Variants in ZNF708 observed in about 807,000 individuals in gnomAD.
ZNF708 encodes zinc finger protein 708, also known as ZNF15, ZNF15L1.
In ZNF708, 44 loss-of-function variants were observed where a neutral mutation model predicts 47.0. The observed-to-expected ratio is 0.94, with a 90% CI of 0.74 to 1.20. The LOEUF (loss-of-function observed/expected upper bound fraction) is 1.20, where lower values mean the gene tolerates loss of function less well. Among genes scored for constraint, ZNF708 ranks in the 50% most tolerant of loss-of-function variants. The pLI is 0.00. For synonymous variants in ZNF708, 184 were observed against 218.5 expected, an observed-to-expected ratio of 0.84 and a Z score of 1.39; for missense variants, 557 against 656.0, an observed-to-expected ratio of 0.85 and a Z score of 1.65.
At chr19:21,321,598 G>C (rs1973137755) in intron 1 of ZNF708, among the ~76,000 whole-genome samples, 1 of 145,392 alleles carries the variant, frequency 6.9e-6, no homozygotes, top group Non-Finnish European at 1.5e-5. Context: ...GGGAAGAGAA[G>C]GGAAGGGAAG....
intron 1 of ZNF708, among the ~76,000 whole-genome samples, chr19:21,323,550 C>T (rs1441843064): frequency 1.3e-5 from 2 of 152,148 alleles, no homozygotes; most frequent in Non-Finnish European, 2.9e-5. Context: ...CTTTGCAATT[C>T]TTAAAGACCT....
intron 1 of ZNF708, among the ~76,000 whole-genome samples, chr19:21,320,578 A>G (rs1973107182): frequency 6.6e-6 from 1 of 151,946 alleles, no homozygotes; most frequent in Non-Finnish European, 1.5e-5. Flanking sequence ...CTGCAGTCCC[A>G]GCTAATTGGG....
chr19:21,309,212 A>T (rs1972847043), intron 3 of ZNF708, 34 bp downstream of exon 3: 1 of 1,537,926 alleles, frequency 6.5e-7, no homozygotes, highest in Non-Finnish European at 8.8e-7. Flanking sequence ...TGGACCTCAC[A>T]TCTGTGTCAT....
chr19:21,321,039 G>A (rs550738519), intron 1 of ZNF708, among the ~76,000 whole-genome samples: 1 of 152,146 alleles, frequency 6.6e-6, no homozygotes, highest in Non-Finnish European at 1.5e-5. Flanking sequence ...TACTGTGGAG[G>A]CTGAGGCAGG....
rs748180893 is a variant in ZNF708 at position 21,293,932 on chromosome 19, A to C, written c.1034T>G (p.Phe345Cys). ...TTTAGTAAGGGTTGAAAATACACTA[A>C]AAGCTTTGCCACATTCTTCACATTT... Reference protein sequence around the residue: ...PYKCEECGKAFSVFSTLTKHK... With the variant: ...PYKCEECGKACSVFSTLTKHK... The change falls in exon 4 of 4, where the codon TTT (phenylalanine) becomes TGT (cysteine). Residue 345 changes from phenylalanine to cysteine, a missense_variant. Phe to Cys is a radical substitution (Grantham distance 205). Coordinates refer to ENST00000356929, the MANE Select transcript of ZNF708 (RefSeq NM_021269.3). 3.7e-6 allele frequency: 6 copies of C among 1,613,246 alleles called. No homozygotes were observed. The East Asian group carries it at 8.9e-5, about 24-fold the overall frequency.
rs761452425 is a variant in ZNF708, at chr19:21,310,663, T to A, written c.4-36A>T. ...CATACACACACACATATTTACCAAG[T>A]GGTTATGGACAGAATTTTTAATTTG... On this transcript the variant is annotated intron_variant, in intron 1 of 3. Coordinates refer to ENST00000356929, the MANE Select transcript of ZNF708 (RefSeq NM_021269.3). The A allele has an allele frequency of 1.3e-5, 18 of 1,420,654 alleles. No homozygotes were observed. The South Asian group carries it at 2.9e-4, about 23-fold the overall frequency. 88.0% of individuals were successfully genotyped at this position (1,420,654 alleles called of 1,614,324 possible).
Position 21,294,056 on chromosome 19 carries a change from C to T in ZNF708, c.910G>A (p.Gly304Arg), listed in dbSNP as rs149735807. 2.5e-4 allele frequency: 398 copies of T among 1,613,698 alleles called. No individual in the cohort carries two copies. The highest frequency in any genetic ancestry group is 6.6e-4 in the Middle Eastern group (4 of 6,060). Residue 304 changes from glycine to arginine, a missense_variant, in exon 4 of 4, where the codon GGA (glycine) becomes AGA (arginine). Coordinates refer to ENST00000356929, the MANE Select transcript of ZNF708 (RefSeq NM_021269.3). ...TCTCCACATTTGTAGGGTTTCTCTC[C>T]AGTATGAATTTTCTTGTGATTAGTA... is the stretch of plus-strand genomic sequence containing the variant. The part of the protein sequence containing the change: ...NLTNHKKIHT[G>R]EKPYKCGECG...
Position 21,292,133 on chromosome 19 carries a change from C to T in ZNF708, c.*1141G>A, listed in dbSNP as rs28688205. ...TACAACCTCTGCCTCCTGGGTTCAA[C>T]GGATTTTCCTGCCTCAGCGTCCCAA... On this transcript the variant is annotated 3_prime_UTR_variant, in exon 4 of 4. Transcript: ENST00000356929. 84,524 of 151,554 alleles carry T rather than the reference C, an allele frequency of 0.56. 23,840 individuals are homozygous for T. The highest frequency in any genetic ancestry group is 0.69 in the Middle Eastern group (203 of 296). The allele number at this position is 151,554 out of a possible 1,614,324, so 9.4% of individuals were successfully genotyped here.
At chr19:21,308,247 C>A (rs1016562289) in intron 3 of ZNF708, among the ~76,000 whole-genome samples, 1 of 150,738 alleles carries the variant, frequency 6.6e-6, no homozygotes, top group African/African-American at 2.4e-5. Context: ...ATAGAAAATA[C>A]AATCCCTAAA....
At chr19:21,310,384 G>A in intron 2 of ZNF708, 117 bp downstream of exon 2, 1 of 344,468 alleles carries the variant, frequency 2.9e-6, no homozygotes, top group Non-Finnish European at 4.5e-6. Context: ...GGCAAAGGTT[G>A]CAATGAGCCA....
At chr19:21,311,737 G>A (rs189844511) in intron 1 of ZNF708, among the ~76,000 whole-genome samples, 3 of 152,066 alleles carry the variant, frequency 2.0e-5, no homozygotes, top group African/African-American at 7.2e-5. Flanking sequence ...GAAGAGATGC[G>A]GGAAAAACAC....
chr19:21,296,584 A>G lies in ZNF708; in HGVS notation c.227-1845T>C, dbSNP rs370693421. Among the ~76,000 whole-genome samples the G allele has an allele frequency of 1.4e-3, 218 of 152,050 alleles. 5 individuals carry two copies. The South Asian group carries it at 0.044, about 30-fold the overall frequency. On this transcript the variant is annotated intron_variant, in intron 3 of 3. Coordinates refer to ENST00000356929, the MANE Select transcript of ZNF708 (RefSeq NM_021269.3). ...CTTCCAAAATAACCTAATCCTGAAA[A>G]AGTATATTGGCACTTCATATGCCCT...
chr19:21,326,456 A>G (rs1449918164), intron 1 of ZNF708, among the ~76,000 whole-genome samples: 1 of 152,224 alleles, frequency 6.6e-6, no homozygotes, highest in Admixed American at 6.5e-5. Context: ...AAAGTATCTC[A>G]GGAGTTGAAA....
chr19:21,328,088 G>A (rs1973298670), intron 1 of ZNF708: 5 of 873,424 alleles, frequency 5.7e-6, no homozygotes, highest in Non-Finnish European at 6.9e-6. Context: ...GGAAAAAACT[G>A]AAGGGTGGCT....
chr19:21,316,249 C>T (rs62107472), intron 1 of ZNF708, among the ~76,000 whole-genome samples: 23,524 of 150,602 alleles, frequency 0.16, 2,141 homozygotes, highest in Non-Finnish European at 0.21. Context: ...CTCAGCCTCC[C>T]GAGTAGCTGG....
Position 21,294,419 on chromosome 19 carries a change from G to C in ZNF708, c.547C>G (p.Leu183Val), listed in dbSNP as rs754096371. 6.2e-7 allele frequency: 1 copy of C among 1,614,074 alleles called. No individual in the cohort carries two copies. Among genetic ancestry groups the C allele is most frequent in the South Asian group, 1.1e-5 (1 of 91,084 alleles). The change falls in exon 4 of 4, where the codon CTA becomes GTA. Residue 183 changes from leucine to valine, a missense_variant. Leu to Val is a conservative substitution (Grantham distance 32, BLOSUM62 1). Transcript: ENST00000356929. Reference sequence around the variant, plus strand: ...GTATGAATTATCTCATGTTGAGTTAGTTGTGAAAGCATGCAAAATGATTTG... The same window carrying C: ...GTATGAATTATCTCATGTTGAGTTACTTGTGAAAGCATGCAAAATGATTTG... ...CGKSFCMLSQ[L>V]TQHEIIHTGE...
chr19:21,313,757 CA>C (rs71176848), intron 1 of ZNF708, among the ~76,000 whole-genome samples: 77,034 of 109,498 alleles, frequency 0.7, 25,391 homozygotes, highest in Middle Eastern at 0.85. Flanking sequence ...GACTATGTCT[CA>C]AAAAAAAAAA....
chr19:21,317,951 A>C (rs953824391), intron 1 of ZNF708, among the ~76,000 whole-genome samples: 7 of 152,226 alleles, frequency 4.6e-5, no homozygotes, highest in Non-Finnish European at 5.9e-5. Context: ...TTGGTTATTT[A>C]CACTTTAAAG....
rs2145143115 is a variant in ZNF708, at chr19:21,293,178, G to C, written c.*96C>G. 4 of 1,402,124 alleles carry C rather than the reference G, an allele frequency of 2.9e-6. No homozygotes were observed. In the South Asian group the frequency reaches 3.9e-5, roughly 13 times the overall value. 86.9% of individuals were successfully genotyped at this position (1,402,124 alleles called of 1,614,324 possible). A position where few individuals can be genotyped will look rare whatever the true frequency, so the allele number is the denominator to read the frequency against. ...CATAAGGATTAAGAGCCAGTTAAAG[G>C]CTTTGCCACATTTATCACATTTGTA... On this transcript the variant is annotated 3_prime_UTR_variant, in exon 4 of 4. Transcript: ENST00000356929.
Sources: gnomAD v4.1 joint callset for allele counts (sites outside exome capture counted in the v4.1 genomes callset) on GRCh38, gnomAD v4.1.1 for gene constraint, MANE v1.5 for transcripts, NCBI Gene and HGNC (gene_info 2026-07-23, HGNC 2026-07-21) for gene names.